Variants in MAF observed in about 807,000 individuals in gnomAD.
MAF encodes the protein MAF bZIP transcription factor.
A neutral mutation model predicts 22.0 loss-of-function variants in MAF; 10 were observed. That is an observed-to-expected ratio of 0.45 (90% CI 0.28 to 0.77). The LOEUF (loss-of-function observed/expected upper bound fraction) is 0.77, where lower values mean the gene tolerates loss of function less well. MAF is among the 30% of genes least tolerant of loss of function. The pLI is 0.12. For missense variants in MAF, 544 were observed against 548.4 expected, an observed-to-expected ratio of 0.99 and a Z score of 0.08; for synonymous variants, 337 against 255.8, an observed-to-expected ratio of 1.32 and a Z score of -3.03.
At chr16:79,247,272 G>A in the MAF span, among the ~76,000 whole-genome samples, 6 of 152,194 alleles carry the variant, frequency 3.9e-5, no homozygotes, top group Non-Finnish European at 7.3e-5. Context: ...AATAGTTTAA[G>A]AAGAAAAGGC....
At chr16:79,440,124 G>T in the MAF span, among the ~76,000 whole-genome samples, 3 of 152,140 alleles carry the variant, frequency 2.0e-5, no homozygotes, top group African/African-American at 7.2e-5. Context: ...TTTCCCTTGA[G>T]TTGCACCACT....
the MAF span, among the ~76,000 whole-genome samples, chr16:79,210,644 A>G: frequency 6.6e-6 from 1 of 152,184 alleles, no homozygotes; most frequent in African/African-American, 2.4e-5. Context: ...GATGCCAGAT[A>G]AACTGTATTG....
At chr16:79,458,846 G>A in the MAF span, among the ~76,000 whole-genome samples, 1 of 152,210 alleles carries the variant, frequency 6.6e-6, no homozygotes, top group Non-Finnish European at 1.5e-5. Context: ...TAGAATCACT[G>A]AGAAAAGTTT....
chr16:79,598,039 A>G, intron 1 of MAF: 1 of 1,042,842 alleles, frequency 9.6e-7, no homozygotes, highest in Non-Finnish European at 1.2e-6. Context: ...CTATTTTAGC[A>G]TAACAATGCT....
the MAF span, among the ~76,000 whole-genome samples, chr16:79,241,190 G>A: frequency 5.8e-4 from 88 of 152,202 alleles, 1 homozygote; most frequent in African/African-American, 2.0e-3. Context: ...TGGAGAATGA[G>A]TTTGACAAAC....
the MAF span, among the ~76,000 whole-genome samples, chr16:79,407,095 G>A: frequency 2.6e-4 from 39 of 152,348 alleles, no homozygotes; most frequent in Non-Finnish European, 5.3e-4. Context: ...GCACCAGGGA[G>A]GGTGTCGTCT....
chr16:79,580,955 C>T (rs1041290368), downstream of MAF, among the ~76,000 whole-genome samples: 1 of 152,064 alleles, frequency 6.6e-6, no homozygotes, highest in African/African-American at 2.4e-5. Flanking sequence ...GAAAGCAGTT[C>T]TTAGTTTGGG....
At chr16:79,532,081 C>T in the MAF span, among the ~76,000 whole-genome samples, 4 of 152,130 alleles carry the variant, frequency 2.6e-5, no homozygotes, top group Non-Finnish European at 2.9e-5. Flanking sequence ...CTATATTGCA[C>T]GGGATTGACT....
the MAF span, chr16:79,516,001 G>A: frequency 7.3e-6 from 1 of 137,122 alleles, no homozygotes; most frequent in Non-Finnish European, 1.5e-5. Context: ...TAAGGTAAAT[G>A]AGGACCAGAG....
chr16:79,287,273 G>T, the MAF span, among the ~76,000 whole-genome samples: 43 of 152,312 alleles, frequency 2.8e-4, no homozygotes, highest in Admixed American at 2.4e-3. Context: ...CAGGCTGTTA[G>T]ACACCTGCCA....
chr16:79,598,478 A>C, intron 1 of MAF: 2 of 1,265,276 alleles, frequency 1.6e-6, no homozygotes, highest in South Asian at 1.7e-5. Flanking sequence ...AAAACAAGCT[A>C]GCAAGTTATG....
At chr16:79,242,536 G>T in the MAF span, among the ~76,000 whole-genome samples, 1 of 152,002 alleles carries the variant, frequency 6.6e-6, no homozygotes, top group African/African-American at 2.4e-5. Context: ...CAATACCGGA[G>T]CACCCAGACT....
chr16:79,283,676 A>G, the MAF span, among the ~76,000 whole-genome samples: 3 of 152,238 alleles, frequency 2.0e-5, no homozygotes, highest in South Asian at 6.2e-4. Flanking sequence ...GCCATAACCA[A>G]TTGCTCAGCA....
the MAF span, among the ~76,000 whole-genome samples, chr16:79,446,785 T>C: frequency 6.6e-6 from 1 of 151,812 alleles, no homozygotes; most frequent in South Asian, 2.1e-4. Flanking sequence ...GGTAAGCACC[T>C]CTAGTCCCAG....
chr16:79,488,560 C>T, the MAF span, among the ~76,000 whole-genome samples: 5 of 152,280 alleles, frequency 3.3e-5, no homozygotes, highest in South Asian at 8.3e-4. Context: ...GTCGAACATG[C>T]TATCTGGATC....
rs533674566 is a variant in MAF, at chr16:79,600,654, G to T, written c.-752C>A. The T allele has an allele frequency of 1.2e-4, 23 of 196,450 alleles. No homozygotes were observed. The East Asian group carries it at 1.3e-3, about 11-fold the overall frequency. 12.2% of individuals were successfully genotyped at this position (196,450 alleles called of 1,614,324 possible). A position where few individuals can be genotyped will look rare whatever the true frequency, so the allele number is the denominator to read the frequency against. On this transcript the variant is annotated 5_prime_UTR_variant, in exon 1 of 2. Transcript: ENST00000326043. ...GGGAAAGACGAGGCAGAGAGCAAAGGGGGGAGGGGGAGGCCAAGCCGACAA... is the reference window on the plus strand; with the variant it reads ...GGGAAAGACGAGGCAGAGAGCAAAGTGGGGAGGGGGAGGCCAAGCCGACAA...
chr16:79,311,945 G>C, the MAF span, among the ~76,000 whole-genome samples: 1 of 152,150 alleles, frequency 6.6e-6, no homozygotes, highest in African/African-American at 2.4e-5. Flanking sequence ...GCAGGATGGC[G>C]GAGAGGGAAG....
chr16:79,401,136 G>A, the MAF span, among the ~76,000 whole-genome samples: 770 of 152,300 alleles, frequency 5.1e-3, 3 homozygotes, highest in Non-Finnish European at 8.7e-3. Flanking sequence ...GGGACAGGGC[G>A]TGGCGCTGGG....
chr16:79,579,513 C>A, the MAF span, among the ~76,000 whole-genome samples: 19 of 152,126 alleles, frequency 1.2e-4, no homozygotes, highest in South Asian at 3.3e-3. Flanking sequence ...CGATACCAAA[C>A]TTTGATTATA....
Sources: allele counts gnomAD v4.1 joint callset (sites outside exome capture counted in the v4.1 genomes callset), GRCh38; gene constraint gnomAD v4.1.1; transcripts MANE v1.5; gene names NCBI Gene and HGNC (gene_info 2026-07-23, HGNC 2026-07-21).